Variants in SLC24A2 observed in about 807,000 individuals in gnomAD.
SLC24A2 encodes the protein sodium/potassium/calcium exchanger 2.
A neutral mutation model predicts 62.0 loss-of-function variants in SLC24A2; 36 were observed. That is an observed-to-expected ratio of 0.58 (90% CI 0.44 to 0.77). The LOEUF (loss-of-function observed/expected upper bound fraction) is 0.77, where lower values mean the gene tolerates loss of function less well. SLC24A2 is among the 30% of genes least tolerant of loss of function. SLC24A2 has a pLI of 0.00. For missense variants in SLC24A2, 846 were observed against 817.9 expected (o/e 1.03, Z -0.42); for synonymous variants, 358 against 294.0 (o/e 1.22, Z -2.23).
chr9:20,020,739 A>G, the SLC24A2 span, among the ~76,000 whole-genome samples: 5 of 151,988 alleles, frequency 3.3e-5, no homozygotes, highest in South Asian at 1.0e-3. Flanking sequence ...AAACATAAAA[A>G]AGAAAGATAA....
chr9:19,587,981 A>G (rs1351303509), intron 5 of SLC24A2, among the ~76,000 whole-genome samples: 2 of 152,154 alleles, frequency 1.3e-5, no homozygotes, highest in African/African-American at 4.8e-5. Context: ...TTTCAGGAAG[A>G]CTGTGGCTTT....
chr9:19,965,706 C>T, the SLC24A2 span, among the ~76,000 whole-genome samples: 1 of 152,150 alleles, frequency 6.6e-6, no homozygotes, highest in Non-Finnish European at 1.5e-5. Context: ...GACCAAGAAC[C>T]TATGCTTTCA....
At chr9:19,703,672 G>A (rs183914412) in intron 2 of SLC24A2, among the ~76,000 whole-genome samples, 2 of 152,014 alleles carry the variant, frequency 1.3e-5, no homozygotes, top group African/African-American at 4.8e-5. Context: ...GAAGATAGAG[G>A]TGAAACCATT....
chr9:19,953,848 C>A, the SLC24A2 span, among the ~76,000 whole-genome samples: 2 of 151,716 alleles, frequency 1.3e-5, no homozygotes, highest in Non-Finnish European at 2.9e-5. Flanking sequence ...TGCTAAAAAC[C>A]CAGCTTATCA....
chr9:19,657,215 T>A (rs573562820), intron 2 of SLC24A2, among the ~76,000 whole-genome samples: 1 of 152,282 alleles, frequency 6.6e-6, no homozygotes, highest in African/African-American at 2.4e-5. Context: ...TATTGAGTGC[T>A]ACGCTTTAGG....
At chr9:20,084,335 T>C in the SLC24A2 span, among the ~76,000 whole-genome samples, 14 of 152,290 alleles carry the variant, frequency 9.2e-5, no homozygotes, top group South Asian at 2.5e-3. Flanking sequence ...ATGGTGTACA[T>C]CTCTTCCCCA....
chr9:19,910,577 C>T, the SLC24A2 span, among the ~76,000 whole-genome samples: 2 of 152,100 alleles, frequency 1.3e-5, no homozygotes, highest in Non-Finnish European at 2.9e-5. Context: ...CACTAACTCC[C>T]TGTACTCTCT....
the SLC24A2 span, among the ~76,000 whole-genome samples, chr9:20,049,685 G>A: frequency 4.0e-5 from 3 of 75,940 alleles, no homozygotes; most frequent in Admixed American, 4.5e-4. Flanking sequence ...TTTATCTTAA[G>A]TATGATAAAA....
At chr9:20,112,466 C>T in the SLC24A2 span, among the ~76,000 whole-genome samples, 1 of 152,124 alleles carries the variant, frequency 6.6e-6, no homozygotes, top group Non-Finnish European at 1.5e-5. Flanking sequence ...GTTATTCATC[C>T]TCTTTACCAT....
the SLC24A2 span, among the ~76,000 whole-genome samples, chr9:20,260,397 A>G: frequency 1.3e-5 from 2 of 152,238 alleles, no homozygotes; most frequent in Non-Finnish European, 2.9e-5. Context: ...CATCCAAAAG[A>G]AAACTACTAA....
the SLC24A2 span, among the ~76,000 whole-genome samples, chr9:20,005,538 G>T: frequency 6.6e-6 from 1 of 151,858 alleles, no homozygotes; most frequent in Non-Finnish European, 1.5e-5. Context: ...ACATTGCTGA[G>T]CAAAGACTTG....
the SLC24A2 span, among the ~76,000 whole-genome samples, chr9:19,891,729 G>C: frequency 3.3e-5 from 5 of 152,254 alleles, no homozygotes; most frequent in South Asian, 6.2e-4. Context: ...CTGGGTGACA[G>C]AGCGAGATCC....
Position 19,508,228 on chromosome 9 carries a change from T to C in SLC24A2, c.*7925A>G, listed in dbSNP as rs1005491944. On this transcript the variant is annotated 3_prime_UTR_variant, in exon 11 of 11. Transcript: ENST00000341998. ...TGTGTACTTTGTGTTCAGGGTTCAATAGCGCAATTCAGTAACTGAGGCTCC... is the reference window on the plus strand; with the variant it reads ...TGTGTACTTTGTGTTCAGGGTTCAACAGCGCAATTCAGTAACTGAGGCTCC... 11 of 152,282 alleles carry C rather than the reference T, an allele frequency of 7.2e-5. No homozygotes were observed. Among genetic ancestry groups the C allele is most frequent in the Admixed American group, 1.3e-4 (2 of 15,296 alleles). The allele number at this position is 152,282 out of a possible 1,614,324, so 9.4% of individuals were successfully genotyped here. A position where few individuals can be genotyped will look rare whatever the true frequency, so the allele number is the denominator to read the frequency against.
At chr9:19,764,815 C>A (rs916164170) in intron 2 of SLC24A2, among the ~76,000 whole-genome samples, 1 of 152,080 alleles carries the variant, frequency 6.6e-6, no homozygotes, top group African/African-American at 2.4e-5. Flanking sequence ...CTATTAGGTC[C>A]TCTTGGTCCA....
chr9:19,795,033 A>G, the SLC24A2 span, among the ~76,000 whole-genome samples: 125,862 of 152,160 alleles, frequency 0.83, 52,904 homozygotes, highest in Middle Eastern at 0.92. Flanking sequence ...GCCAGAAGGA[A>G]GGTGCTGCTG....
chr9:19,690,245 A>T (rs1175254096), intron 2 of SLC24A2, among the ~76,000 whole-genome samples: 1 of 151,984 alleles, frequency 6.6e-6, no homozygotes, highest in Non-Finnish European at 1.5e-5. Context: ...TTCTCTGGAG[A>T]GCTCTGACTA....
At chr9:20,019,896 A>G in the SLC24A2 span, among the ~76,000 whole-genome samples, 1 of 151,672 alleles carries the variant, frequency 6.6e-6, no homozygotes, top group African/African-American at 2.4e-5. Context: ...AAAAACCACC[A>G]AAAAGTGGGT....
the SLC24A2 span, among the ~76,000 whole-genome samples, chr9:20,286,210 G>C: frequency 6.6e-6 from 1 of 152,208 alleles, no homozygotes; most frequent in African/African-American, 2.4e-5. Context: ...AATAGGTTTG[G>C]TTGCACATAA....
the SLC24A2 span, among the ~76,000 whole-genome samples, chr9:20,136,788 C>G: frequency 6.6e-6 from 1 of 152,124 alleles, no homozygotes; most frequent in East Asian, 1.9e-4. Flanking sequence ...TCTCAGCTGT[C>G]TTACTTTGGC....
Sources: gnomAD v4.1 joint callset for allele counts (sites outside exome capture counted in the v4.1 genomes callset) on GRCh38, gnomAD v4.1.1 for gene constraint, MANE v1.5 for transcripts, NCBI Gene and HGNC (gene_info 2026-07-23, HGNC 2026-07-21) for gene names.